DOCK7: variants seen among roughly 807,000 people sequenced by gnomAD.
The protein encoded by DOCK7 is dedicator of cytokinesis protein 7.
DOCK7 carries 138 observed loss-of-function variants against 271.0 expected under a neutral mutation model. The ratio of observed to expected loss-of-function variants is 0.51; its 90% CI spans 0.44 to 0.59. DOCK7 has a LOEUF of 0.59. Among genes scored for constraint, DOCK7 ranks in the 20% least tolerant of loss-of-function variants. The pLI is 0.00. For synonymous variants in DOCK7, 823 were observed against 876.1 expected (o/e 0.94, Z 1.07); for missense variants, 2,066 against 2,592.4 (o/e 0.80, Z 4.41).
intron 16 of DOCK7, among the ~76,000 whole-genome samples, chr1:62,582,322 G>A (rs917479282): frequency 2.6e-5 from 4 of 151,428 alleles, no homozygotes; most frequent in Admixed American, 1.3e-4. Context: ...AGGCCGAGGC[G>A]GGCGGATCAC....
intron 48 of DOCK7, among the ~76,000 whole-genome samples, chr1:62,464,815 A>G (rs752580927): frequency 5.9e-5 from 9 of 152,180 alleles, no homozygotes; most frequent in Non-Finnish European, 1.3e-4. Context: ...ATAATTTGCA[A>G]CTGTGAAAGT....
At chr1:62,538,414 T>A (rs982670659) in intron 27 of DOCK7, among the ~76,000 whole-genome samples, 2 of 152,240 alleles carry the variant, frequency 1.3e-5, no homozygotes, top group Non-Finnish European at 2.9e-5. Context: ...TAGCACTTTG[T>A]GCTTACCTGT....
At chr1:62,509,226 T>A (rs1262535758) in intron 34 of DOCK7, among the ~76,000 whole-genome samples, 2 of 145,088 alleles carry the variant, frequency 1.4e-5, no homozygotes, top group Admixed American at 1.4e-4. Flanking sequence ...GGTGGGAGGC[T>A]CACCTAAGCC....
intron 43 of DOCK7, 173 bp downstream of exon 43, chr1:62,487,225 T>C: frequency 1.7e-6 from 1 of 578,986 alleles, no homozygotes; most frequent in Admixed American, 3.1e-5. Flanking sequence ...CATAATAAGA[T>C]ATTTCTTAAA....
Position 62,528,365 on chromosome 1 carries a change from C to T in DOCK7, c.3782-60G>A, listed in dbSNP as rs542499112. 4.4e-4 allele frequency: 614 copies of T among 1,396,986 alleles called. 1 individual carries two copies. Among genetic ancestry groups the T allele is most frequent in the Middle Eastern group, 3.8e-3 (21 of 5,510 alleles). The allele number at this position is 1,396,986 out of a possible 1,614,324, so 86.5% of individuals were successfully genotyped here. The stretch of plus-strand genomic sequence containing the variant: ...TGTTTAGCTGAACTAATTCCCTTTC[C>T]TATTCTCCACTATTCTTTAAAAGAA... On this transcript the variant is annotated intron_variant, in intron 30 of 49. Transcript: ENST00000635253.
chr1:62,463,518 AGT>A (rs1387407502), intron 48 of DOCK7, among the ~76,000 whole-genome samples: 5 of 152,236 alleles, frequency 3.3e-5, no homozygotes, highest in Non-Finnish European at 7.3e-5. Context: ...CGGATATTTG[AGT>A]AGCACTCTTT....
At chr1:62,609,074 T>A (rs553852808) in intron 14 of DOCK7, 167 of 152,268 alleles carry the variant, frequency 1.1e-3, no homozygotes, top group African/African-American at 3.7e-3. Context: ...ACACAGCAGT[T>A]TTAAAAATGA....
chr1:62,487,553 T>G, intron 42 of DOCK7, 141 bp from the exon 43 acceptor site: 1 of 662,826 alleles, frequency 1.5e-6, no homozygotes, highest in Non-Finnish European at 2.5e-6. Context: ...TTCATTTACT[T>G]AAGACCTGCA....
At chr1:62,611,403 C>T (rs1201130399) in intron 14 of DOCK7, among the ~76,000 whole-genome samples, 1 of 152,098 alleles carries the variant, frequency 6.6e-6, no homozygotes, top group East Asian at 1.9e-4. Flanking sequence ...GTTGAGCGAC[C>T]TCAAATCTGA....
At chr1:62,574,958 T>C (rs1404829008) in intron 18 of DOCK7, among the ~76,000 whole-genome samples, 2 of 152,088 alleles carry the variant, frequency 1.3e-5, no homozygotes, top group East Asian at 3.9e-4. Context: ...CTTGAACTGC[T>C]GACCTCAGGT....
intron 2 of DOCK7, among the ~76,000 whole-genome samples, chr1:62,660,470 G>A (rs573247999): frequency 9.9e-5 from 15 of 152,238 alleles, no homozygotes; most frequent in African/African-American, 3.6e-4. Context: ...TTTTTAAAAT[G>A]GTTAATAACA....
In DOCK7 at chr1:62,656,502, A is replaced by G. The variant is rs577845339; in HGVS notation, c.145-2343T>C. Among the ~76,000 whole-genome samples, 317 of 152,304 alleles carry G rather than the reference A, an allele frequency of 2.1e-3. 2 individuals are homozygous for G. Among genetic ancestry groups the G allele is most frequent in the African/African-American group, 7.3e-3 (302 of 41,570 alleles). On this transcript the variant is annotated intron_variant, in intron 2 of 49. Transcript: ENST00000635253. ...TAAATGGGAAAAAATAAAGCACATA[A>G]AAAAGTGCTCAAACATCAAAAGTCA...
chr1:62,638,490 G>A lies in DOCK7; in HGVS notation c.819-1887C>T, dbSNP rs376673023. ...AAAAAAAATTTTGTGTATCATGGGA[G>A]GCAGTGGTCAAGTTTCCTATTTTCA... is the stretch of plus-strand genomic sequence containing the variant. On this transcript the variant is annotated intron_variant, in intron 7 of 49. Transcript: ENST00000635253. The A allele has an allele frequency of 3.3e-5, 5 of 149,990 alleles. No individual in the cohort carries two copies. In the East Asian group the frequency reaches 5.9e-4, roughly 18 times the overall value. 9.3% of individuals were successfully genotyped at this position (149,990 alleles called of 1,614,324 possible).
intron 6 of DOCK7, 89 bp downstream of exon 6, chr1:62,648,017 C>G (rs1656883191): frequency 8.1e-7 from 1 of 1,227,444 alleles, no homozygotes. Flanking sequence ...TTGCTTTATC[C>G]TCTACATTTT....
chr1:62,516,353 G>A lies in DOCK7; in HGVS notation c.3937-2455C>T, dbSNP rs117477279. On this transcript the variant is annotated intron_variant, in intron 31 of 49. Transcript: ENST00000635253. ...CCAGAACAGTCTCAACCAGGGTTCC[G>A]TGGCATAATTAAGCCCTACAAAAAA... 2.0e-4 allele frequency among the ~76,000 whole-genome samples: 30 copies of A among 152,236 alleles called. 1 individual carries two copies. The East Asian group carries it at 5.8e-3, about 29-fold the overall frequency.
chr1:62,688,366 G>A lies in DOCK7; in HGVS notation c.-102C>T, dbSNP rs938960009. On this transcript the variant is annotated 5_prime_UTR_variant, in exon 1 of 50. Coordinates refer to ENST00000635253, the MANE Select transcript of DOCK7 (RefSeq NM_001367561.1). ...TCGTGCTCCCTCCCTCGCGGCCTCC[G>A]CCAGTCCGGGCTCCGGACCTGGGAG... 8.1e-5 allele frequency: 59 copies of A among 732,520 alleles called. No homozygotes were observed. The African/African-American group carries it at 9.7e-4, about 12-fold the overall frequency. 45.4% of individuals were successfully genotyped at this position (732,520 alleles called of 1,614,324 possible). A position where few individuals can be genotyped will look rare whatever the true frequency, so the allele number is the denominator to read the frequency against.
chr1:62,508,221 T>C (rs1358471949), intron 34 of DOCK7, among the ~76,000 whole-genome samples, 163 bp from the exon 35 acceptor site: 2 of 152,232 alleles, frequency 1.3e-5, no homozygotes, highest in African/African-American at 4.8e-5. Context: ...TACACATTTA[T>C]GCAGCTTTTT....
At chr1:62,551,663 G>A (rs1347662733) in intron 22 of DOCK7, among the ~76,000 whole-genome samples, 2 of 151,810 alleles carry the variant, frequency 1.3e-5, no homozygotes, top group Non-Finnish European at 2.9e-5. Flanking sequence ...TCAATAGGAA[G>A]GTAGCTATCA....
At chr1:62,551,570 A>G (rs1571507239) in intron 22 of DOCK7, among the ~76,000 whole-genome samples, 3 of 152,212 alleles carry the variant, frequency 2.0e-5, no homozygotes, top group East Asian at 1.9e-4. Flanking sequence ...ATAAGAAAAA[A>G]TGAAGGGTAG....
Sources: allele counts gnomAD v4.1 joint callset (sites outside exome capture counted in the v4.1 genomes callset), GRCh38; gene constraint gnomAD v4.1.1; transcripts MANE v1.5; gene names NCBI Gene and HGNC (gene_info 2026-07-23, HGNC 2026-07-21).